Variants in RMDN2 observed in about 807,000 individuals in gnomAD.
The protein encoded by RMDN2 is regulator of microtubule dynamics protein 2.
RMDN2 carries 61 observed loss-of-function variants against 52.8 expected under a neutral mutation model. The ratio of observed to expected loss-of-function variants is 1.16; its 90% CI spans 0.94 to 1.43. The LOEUF (loss-of-function observed/expected upper bound fraction) is 1.43, where lower values mean the gene tolerates loss of function less well. Among genes scored for constraint, RMDN2 ranks in the 40% most tolerant of loss-of-function variants. RMDN2 has a pLI of 0.00. For synonymous variants in RMDN2, 180 were observed against 153.1 expected (o/e 1.18, Z -1.30); for missense variants, 592 against 475.3 (o/e 1.25, Z -2.28).
chr2:37,974,240 G>A (rs200275843), intron 3 of RMDN2, 26 bp downstream of exon 3: 35 of 1,467,286 alleles, frequency 2.4e-5, no homozygotes, highest in Admixed American at 4.4e-5. Flanking sequence ...ATAGCACTTC[G>A]TATAGTTCCA....
Position 37,925,395 on chromosome 2 carries a change from A to C in RMDN2, c.-47A>C, listed in dbSNP as rs990643561. 2 of 152,364 alleles carry C rather than the reference A, an allele frequency of 1.3e-5. No individual in the cohort carries two copies. Among genetic ancestry groups the C allele is most frequent in the Non-Finnish European group, 2.9e-5 (2 of 68,162 alleles). 9.4% of individuals were successfully genotyped at this position (152,364 alleles called of 1,614,324 possible). On this transcript the variant is annotated 5_prime_UTR_variant, in exon 1 of 11. Coordinates refer to ENST00000354545, the MANE Select transcript of RMDN2 (RefSeq NM_001170791.3). ...CAGCAGGTCCTGGTCTCCGCTCTCC[A>C]ACAGCTGAAAGGCCGGCGCAGTGAA...
chr2:37,979,497 G>A (rs779058949), intron 4 of RMDN2, among the ~76,000 whole-genome samples: 5 of 152,190 alleles, frequency 3.3e-5, no homozygotes, highest in Non-Finnish European at 7.3e-5. Flanking sequence ...AGGTTGTTAT[G>A]CTTAGTACAG....
chr2:37,969,788 A>G (rs924567209), intron 2 of RMDN2, among the ~76,000 whole-genome samples: 2 of 129,096 alleles, frequency 1.5e-5, no homozygotes, highest in African/African-American at 2.5e-5. Flanking sequence ...TAAGTGTGAA[A>G]TGTATTATTG....
intron 2 of RMDN2, among the ~76,000 whole-genome samples, chr2:37,935,173 A>G (rs1052792896): frequency 6.6e-6 from 1 of 152,132 alleles, no homozygotes; most frequent in Non-Finnish European, 1.5e-5. Context: ...CCACGAATCC[A>G]CTCCCAGAAT....
chr2:37,970,042 C>T (rs1246303633), intron 2 of RMDN2, among the ~76,000 whole-genome samples: 1 of 152,132 alleles, frequency 6.6e-6, no homozygotes, highest in Non-Finnish European at 1.5e-5. Flanking sequence ...AAGCTATCCT[C>T]TCACCTCACC....
At chr2:38,017,810 T>C (rs1679010538), downstream of RMDN2, 1 of 236,506 alleles carries the variant, frequency 4.2e-6, no homozygotes, top group Admixed American at 5.7e-5. Flanking sequence ...ACAAGGCTAT[T>C]TCATCTGGGT....
intron 2 of RMDN2, among the ~76,000 whole-genome samples, chr2:37,933,819 A>G (rs1452744649): frequency 1.5e-5 from 2 of 134,330 alleles, no homozygotes. Flanking sequence ...AGAGGAGTAC[A>G]AAAAAATTTA....
chr2:38,023,773 T>TA (rs1221636022), intron 10 of RMDN2, among the ~76,000 whole-genome samples: 1 of 152,222 alleles, frequency 6.6e-6, no homozygotes, highest in Non-Finnish European at 1.5e-5. Flanking sequence ...GGTTGGGTTT[T>TA]AAAAAATATT....
rs370261611 is a variant in RMDN2, at chr2:37,951,602, C to A, written c.452+21873C>A. The stretch of plus-strand genomic sequence containing the variant: ...TTTCCCGCAGAAGACGTTTCTCATC[C>A]CGTAAACTAAGTATAGTTTCCTATT... On this transcript the variant is annotated intron_variant, in intron 2 of 10. Transcript: ENST00000354545. 42 of 1,613,356 alleles carry A rather than the reference C, an allele frequency of 2.6e-5. No homozygotes were observed. In the South Asian group the frequency reaches 2.9e-4, roughly 11 times the overall value.
In RMDN2 at chr2:37,929,746, T is replaced by C; in HGVS notation, c.452+17T>C. 1.4e-6 allele frequency: 2 copies of C among 1,452,558 alleles called. No individual in the cohort carries two copies. The highest frequency in any genetic ancestry group is 1.8e-6 in the Non-Finnish European group (2 of 1,092,324). 90.0% of individuals were successfully genotyped at this position (1,452,558 alleles called of 1,614,324 possible). The stretch of plus-strand genomic sequence containing the variant: ...TGAAGGAGGGTAAGTTTCTTTAAGA[T>C]ATTTCCTATGTTGAATTGGTTATTA... On this transcript the variant is annotated intron_variant, in intron 2 of 10. Transcript: ENST00000354545.
At chr2:38,029,629 C>T (rs79246016) in intron 10 of RMDN2, 13,747 of 144,554 alleles carry the variant, frequency 0.095, 874 homozygotes, top group African/African-American at 0.19. Flanking sequence ...AAAAAAAAAA[C>T]TGAAAGTAAT....
At chr2:37,933,500 C>T (rs371808281) in intron 2 of RMDN2, among the ~76,000 whole-genome samples, 1 of 152,254 alleles carries the variant, frequency 6.6e-6, no homozygotes, top group African/African-American at 2.4e-5. Context: ...CTGAGTGAAC[C>T]AGACTCCGTC....
intron 10 of RMDN2, among the ~76,000 whole-genome samples, chr2:38,060,840 G>C (rs1159191347): frequency 6.6e-6 from 1 of 152,174 alleles, no homozygotes; most frequent in African/African-American, 2.4e-5. Flanking sequence ...CAACACCAGG[G>C]GATGGGAGAT....
intron 10 of RMDN2, chr2:38,030,747 G>T (rs1260262308): frequency 2.7e-5 from 4 of 149,404 alleles, no homozygotes; most frequent in Admixed American, 1.3e-4. Context: ...TGGTACAAAG[G>T]TTAGATTTGC....
chr2:37,965,720 T>A (rs998802963), intron 2 of RMDN2, among the ~76,000 whole-genome samples: 1 of 152,228 alleles, frequency 6.6e-6, no homozygotes, highest in Admixed American at 6.5e-5. Context: ...ATTATATTTT[T>A]GTATGGTTCA....
intron 2 of RMDN2, among the ~76,000 whole-genome samples, chr2:37,938,748 T>C (rs1227949244): frequency 6.6e-6 from 1 of 152,216 alleles, no homozygotes. Context: ...ATCTCCCCTT[T>C]ATCATTTTTT....
intron 10 of RMDN2, among the ~76,000 whole-genome samples, chr2:38,031,256 CTTTT>C (rs552306141): frequency 6.6e-5 from 7 of 105,856 alleles, no homozygotes; most frequent in African/African-American, 1.5e-4. Flanking sequence ...CTTTGTTTCC[CTTTT>C]TTTTTTTTTT....
Position 37,975,246 on chromosome 2 carries a change from C to T in RMDN2, c.662C>T (p.Ala221Val), listed in dbSNP as rs1672314559. 1 of 1,610,432 alleles carries T rather than the reference C, an allele frequency of 6.2e-7. No homozygotes were observed. The highest frequency in any genetic ancestry group is 1.1e-5 in the South Asian group (1 of 90,892). ...GAAATAGAGTTTATGTGGCGATTTGCTCGTGCTTATGGAGACATGTATGAA... is the reference window on the plus strand; with the variant it reads ...GAAATAGAGTTTATGTGGCGATTTGTTCGTGCTTATGGAGACATGTATGAA... ...RDEIEFMWRFARAYGDMYELS... is the reference protein window; with the variant it reads ...RDEIEFMWRFVRAYGDMYELS... The change falls in exon 4 of 11, where the codon GCT (alanine) becomes GTT (valine). Residue 221 changes from alanine (A) to valine (V), a missense_variant. Physicochemically the swap from Ala to Val is moderately conservative, Grantham distance 64. Transcript: ENST00000354545.
At position 37,933,421 on chromosome 2, in the gene RMDN2, G is replaced by T. The variant is rs374737136; in HGVS notation, c.452+3692G>T. ...GGCACTTTGGGAGGCCAAGGCAGGCGGCTGGGAGGTGGAGGTTGTAGCGAG... is the reference window on the plus strand; with the variant it reads ...GGCACTTTGGGAGGCCAAGGCAGGCTGCTGGGAGGTGGAGGTTGTAGCGAG... On this transcript the variant is annotated intron_variant, in intron 2 of 10. Transcript: ENST00000354545. Among the ~76,000 whole-genome samples the T allele has an allele frequency of 1.2e-3, 185 of 152,328 alleles. 2 individuals are homozygous for T. The highest frequency in any genetic ancestry group is 4.2e-3 in the African/African-American group (176 of 41,584).
Sources: gnomAD v4.1 joint callset for allele counts (sites outside exome capture counted in the v4.1 genomes callset) on GRCh38, gnomAD v4.1.1 for gene constraint, MANE v1.5 for transcripts, NCBI Gene and HGNC (gene_info 2026-07-23, HGNC 2026-07-21) for gene names.